FNDC3A: variants seen among roughly 807,000 people sequenced by gnomAD.
FNDC3A encodes the protein fibronectin type-III domain-containing protein 3A.
A neutral mutation model predicts 148.9 loss-of-function variants in FNDC3A; 32 were observed. That is an observed-to-expected ratio of 0.21 (90% CI 0.16 to 0.29). The LOEUF is 0.29. FNDC3A is among the 10% of genes least tolerant of loss of function. The probability of loss-of-function intolerance (pLI) is 1.00; values close to 1 mark genes in which losing one functional copy is unlikely to be tolerated. For synonymous variants in FNDC3A, 472 were observed against 473.6 expected, an observed-to-expected ratio of 1.00 and a Z score of 0.04; for missense variants, 1,191 against 1,452.8, an observed-to-expected ratio of 0.82 and a Z score of 2.93.
In FNDC3A at chr13:49,091,723, G is replaced by T. The variant is rs559232057; in HGVS notation, c.175+16359G>T. ...ATAGGGAACTCTCCATGAGGCCATA[G>T]GTGCAGGCTGGGGGAGAGAAGGCAG... On this transcript the variant is annotated intron_variant, in intron 3 of 25. Coordinates refer to ENST00000492622, the MANE Select transcript of FNDC3A (RefSeq NM_001079673.2). 2.6e-5 allele frequency among the ~76,000 whole-genome samples: 4 copies of T among 152,328 alleles called. No homozygotes were observed. In the East Asian group the frequency reaches 7.7e-4, roughly 29 times the overall value.
At chr13:49,202,733 T>C (rs1194662986) in intron 24 of FNDC3A, among the ~76,000 whole-genome samples, 1 of 152,238 alleles carries the variant, frequency 6.6e-6, no homozygotes, top group East Asian at 1.9e-4. Flanking sequence ...CAGGGCACAG[T>C]GGCTCACACC....
chr13:49,022,748 C>T (rs1027387249), intron 2 of FNDC3A, among the ~76,000 whole-genome samples: 2 of 152,070 alleles, frequency 1.3e-5, no homozygotes, highest in African/African-American at 2.4e-5. Context: ...TTCTTAGAAG[C>T]TTTGGAAAGG....
At chr13:49,175,186 T>C (rs1394058575) in intron 12 of FNDC3A, among the ~76,000 whole-genome samples, 181 bp from the exon 13 acceptor site, 1 of 152,212 alleles carries the variant, frequency 6.6e-6, no homozygotes, top group East Asian at 1.9e-4. Flanking sequence ...AATAGAACAC[T>C]AATTCACTGT....
rs540902336 is a variant in FNDC3A at position 49,146,298 on chromosome 13, C to T, written c.977+363C>T. The T allele has an allele frequency of 9.4e-5, 16 of 171,082 alleles. No individual in the cohort carries two copies. The East Asian group carries it at 1.1e-3, about 11-fold the overall frequency. The allele number at this position is 171,082 out of a possible 1,614,324, so 10.6% of individuals were successfully genotyped here. A position where few individuals can be genotyped will look rare whatever the true frequency, so the allele number is the denominator to read the frequency against. ...TAAACTCATAAAGTATGACATTGCT[C>T]CTCTAAGGACTGGATTTAATTCTTA... On this transcript the variant is annotated intron_variant, in intron 8 of 25. Coordinates refer to ENST00000492622, the MANE Select transcript of FNDC3A (RefSeq NM_001079673.2).
chr13:49,080,373 C>T (rs1878391318), intron 3 of FNDC3A, among the ~76,000 whole-genome samples: 1 of 152,008 alleles, frequency 6.6e-6, no homozygotes, highest in Admixed American at 6.6e-5. Context: ...TGATATGAAC[C>T]CATACCTCAT....
intron 1 of FNDC3A, among the ~76,000 whole-genome samples, chr13:48,978,073 T>TA (rs896565122): frequency 2.6e-5 from 4 of 151,866 alleles, no homozygotes; most frequent in South Asian, 4.2e-4. Context: ...TAATAAGCAT[T>TA]AAAAAAAACA....
intron 2 of FNDC3A, among the ~76,000 whole-genome samples, chr13:49,049,781 G>A (rs527266954): frequency 5.3e-4 from 80 of 151,942 alleles, no homozygotes; most frequent in African/African-American, 7.5e-4. Context: ...GTGCAGTGGC[G>A]TGATCTCAGC....
intron 2 of FNDC3A, among the ~76,000 whole-genome samples, chr13:49,026,157 G>A (rs956388029): frequency 6.6e-6 from 1 of 152,098 alleles, no homozygotes; most frequent in African/African-American, 2.4e-5. Flanking sequence ...AAAATAGCAG[G>A]TTAGGGATTT....
chr13:49,152,935 T>C (rs1883406794), intron 8 of FNDC3A, among the ~76,000 whole-genome samples: 1 of 149,774 alleles, frequency 6.7e-6, no homozygotes, highest in South Asian at 2.1e-4. Flanking sequence ...ACATTTGGGT[T>C]GGTTCCAAGT....
intron 1 of FNDC3A, among the ~76,000 whole-genome samples, chr13:48,991,922 CA>C (rs1284343804): frequency 6.6e-6 from 1 of 152,138 alleles, no homozygotes; most frequent in African/African-American, 2.4e-5. Flanking sequence ...GGTTGATGAA[CA>C]AAATCATCTA....
chr13:48,975,681 G>C (rs1191725615), upstream of FNDC3A: 1 of 152,228 alleles, frequency 6.6e-6, no homozygotes, highest in Non-Finnish European at 1.5e-5. Flanking sequence ...GCTACCACAA[G>C]CCAGGCGCAG....
chr13:49,002,197 G>A (rs1054082887), intron 1 of FNDC3A, among the ~76,000 whole-genome samples: 12 of 152,136 alleles, frequency 7.9e-5, no homozygotes, highest in Admixed American at 3.3e-4. Flanking sequence ...CCAGCACTGT[G>A]TTGAATAGAA....
rs577580085 is a variant in FNDC3A at position 49,159,302 on chromosome 13, G to A, written c.978-7942G>A. 1.3e-3 allele frequency among the ~76,000 whole-genome samples: 205 copies of A among 152,276 alleles called. 1 individual carries two copies. Among genetic ancestry groups the A allele is most frequent in the African/African-American group, 4.7e-3 (196 of 41,538 alleles). On this transcript the variant is annotated intron_variant, in intron 8 of 25. Coordinates refer to ENST00000492622, the MANE Select transcript of FNDC3A (RefSeq NM_001079673.2). Reference sequence around the variant, plus strand: ...GTGTCCTCTTTTATCTCATTGAGCAGTGGTTTGTAGTTCTCCTTGAAGAGG... The same window carrying A: ...GTGTCCTCTTTTATCTCATTGAGCAATGGTTTGTAGTTCTCCTTGAAGAGG...
intron 8 of FNDC3A, among the ~76,000 whole-genome samples, chr13:49,164,228 T>G (rs907697666): frequency 2.6e-5 from 4 of 152,256 alleles, no homozygotes; most frequent in African/African-American, 9.6e-5. Flanking sequence ...CCCTGCTGGT[T>G]TGTAAGTTTT....
intron 3 of FNDC3A, among the ~76,000 whole-genome samples, chr13:49,112,600 A>G (rs1024068463): frequency 3.3e-4 from 50 of 152,312 alleles, no homozygotes; most frequent in African/African-American, 1.2e-3. Flanking sequence ...GCCTCAAATT[A>G]TATCAGTTGC....
Position 49,174,466 on chromosome 13 carries a change from A to T in FNDC3A, c.1262A>T (p.Tyr421Phe). Residue 421 changes from tyrosine (Y) to phenylalanine (F), a missense_variant, in exon 12 of 26, where the codon TAC becomes TTC. Around this residue, in one of 3 missense-constraint regions of FNDC3A, gnomAD observed 751 missense variants for 944.0 expected, o/e 0.80. Coordinates refer to ENST00000492622, the MANE Select transcript of FNDC3A (RefSeq NM_001079673.2). ...GGAAATGGAGAATTTTGTCAGTGTT[A>T]CATGGGCTCACAGAAACAATTTAAA... ...GKGNGEFCQC[Y>F]MGSQKQFKIT... The T allele has an allele frequency of 6.2e-7, 1 of 1,611,610 alleles. No homozygotes were observed. The highest frequency in any genetic ancestry group is 8.5e-7 in the Non-Finnish European group (1 of 1,177,876).
Position 49,095,145 on chromosome 13 carries a change from A to AT in FNDC3A, c.176-19503dup, listed in dbSNP as rs575201100. On this transcript the variant is annotated intron_variant, in intron 3 of 25. Coordinates refer to ENST00000492622, the MANE Select transcript of FNDC3A (RefSeq NM_001079673.2). ...CAACTTTATTTAAAAATGTATATAT[A>AT]TTTTTTTAAATTAAGACCCTAAGCT... Among the ~76,000 whole-genome samples, 78 of 152,014 alleles carry AT rather than the reference A, an allele frequency of 5.1e-4. 1 individual carries two copies. Among genetic ancestry groups the AT allele is most frequent in the Admixed American group, 2.2e-3 (33 of 15,254 alleles).
At chr13:49,097,350 T>C (rs977520819) in intron 3 of FNDC3A, among the ~76,000 whole-genome samples, 2 of 151,398 alleles carry the variant, frequency 1.3e-5, no homozygotes, top group African/African-American at 4.8e-5. Flanking sequence ...GGGAAAGCCC[T>C]TGCTTTTTTA....
intron 5 of FNDC3A, among the ~76,000 whole-genome samples, chr13:49,135,367 C>G (rs1386752125): frequency 1.3e-5 from 2 of 151,974 alleles, no homozygotes; most frequent in African/African-American, 2.4e-5. Context: ...CTGATGAAAT[C>G]TAATTTTTTC....
Sources: gnomAD v4.1 joint callset for allele counts (sites outside exome capture counted in the v4.1 genomes callset) on GRCh38, gnomAD v4.1.1 for gene constraint, gnomAD v4.1.1 regional missense constraint, MANE v1.5 for transcripts, NCBI Gene and HGNC (gene_info 2026-07-23, HGNC 2026-07-21) for gene names.